Variants in MIB1 observed in about 807,000 individuals in gnomAD.
MIB1 encodes E3 ubiquitin-protein ligase MIB1.
A neutral mutation model predicts 124.5 loss-of-function variants in MIB1; 278 were observed. That is an observed-to-expected ratio of 2.23 (90% CI 2.02 to 2.47). The LOEUF (loss-of-function observed/expected upper bound fraction) is 2.47, where lower values mean the gene tolerates loss of function less well. MIB1 is among the 30% of genes most tolerant of loss of function. The pLI, the probability that MIB1 is intolerant of heterozygous loss-of-function variation, is 0.00. For synonymous variants in MIB1, 446 were observed against 429.4 expected, an observed-to-expected ratio of 1.04 and a Z score of -0.48; for missense variants, 957 against 1,254.4, an observed-to-expected ratio of 0.76 and a Z score of 3.58.
At chr18:21,742,228 C>G (rs1276244705) in intron 1 of MIB1, among the ~76,000 whole-genome samples, 1 of 151,318 alleles carries the variant, frequency 6.6e-6, no homozygotes, top group African/African-American at 2.4e-5. Flanking sequence ...CTCAGCTGAC[C>G]GTTTATAATT....
intron 1 of MIB1, among the ~76,000 whole-genome samples, chr18:21,732,194 G>A: frequency 6.6e-6 from 1 of 151,710 alleles, no homozygotes. Context: ...TGGGTGTGGT[G>A]GTATGTGCCT....
At chr18:21,752,490 TA>T (rs1477327841) in intron 1 of MIB1, among the ~76,000 whole-genome samples, 1 of 152,240 alleles carries the variant, frequency 6.6e-6, no homozygotes, top group Admixed American at 6.5e-5. Context: ...AATTTAAGTA[TA>T]AATATTCCTC....
intron 1 of MIB1, among the ~76,000 whole-genome samples, chr18:21,725,583 C>T (rs2146361283): frequency 6.6e-6 from 1 of 152,324 alleles, no homozygotes; most frequent in South Asian, 2.1e-4. Context: ...AAGTTACCTT[C>T]CTCTAAGGTA....
chr18:21,854,011 T>TAA (rs772734430), intron 18 of MIB1, among the ~76,000 whole-genome samples: 23,168 of 42,460 alleles, frequency 0.55, 7,970 homozygotes, highest in Non-Finnish European at 0.66. Flanking sequence ...AGACTCAGTC[T>TAA]TAAAAAAAAA....
At chr18:21,838,306 T>G in intron 12 of MIB1, 59 bp from the exon 13 acceptor site, 1 of 1,273,886 alleles carries the variant, frequency 7.9e-7, no homozygotes, top group Non-Finnish European at 1.1e-6. Context: ...GATTGCAAAC[T>G]TTTCTTTTGA....
chr18:21,821,662 A>G (rs8095593), intron 12 of MIB1, among the ~76,000 whole-genome samples: 148,036 of 150,062 alleles, frequency 0.99, 73,062 homozygotes, highest in Non-Finnish European at 1. Context: ...GCAGTGGCAC[A>G]ATCTCGGCTC....
chr18:21,779,486 C>T lies in MIB1; in HGVS notation c.709C>T (p.Gln237Ter). The T allele has an allele frequency of 6.2e-7, 1 of 1,613,802 alleles. No homozygotes were observed. Among genetic ancestry groups the T allele is most frequent in the Non-Finnish European group, 8.5e-7 (1 of 1,179,768 alleles). Reference sequence around the variant, plus strand: ...AATTGCCTCTGAAATTACAGGTGAGCAGAATGGCAACAGGAATCCTGGTGG... The same window carrying T: ...AATTGCCTCTGAAATTACAGGTGAGTAGAATGGCAACAGGAATCCTGGTGG... ...YRDHCPVLGE[Q>*]NGNRNPGGLQ... Residue 237 changes from glutamine to a stop codon, truncating the protein, a stop_gained, in exon 6 of 21, where the codon CAG becomes TAG. Coordinates refer to ENST00000261537, the MANE Select transcript of MIB1 (RefSeq NM_020774.4). LOFTEE classifies it high-confidence loss of function.
At chr18:21,825,856 A>G (rs372013680) in intron 12 of MIB1, 56 of 413,186 alleles carry the variant, frequency 1.4e-4, no homozygotes, top group African/African-American at 1.2e-3. Flanking sequence ...TGGACCTTCT[A>G]CAAGTGTTAG....
intron 13 of MIB1, 62 bp downstream of exon 13, chr18:21,838,559 G>A: frequency 7.4e-6 from 10 of 1,354,702 alleles, no homozygotes; most frequent in Non-Finnish European, 1.0e-5. Context: ...TGGGACCATT[G>A]CCATTCATTT....
chr18:21,801,164 A>G (rs1200603602), intron 9 of MIB1, among the ~76,000 whole-genome samples: 2 of 151,906 alleles, frequency 1.3e-5, no homozygotes, highest in Admixed American at 6.6e-5. Flanking sequence ...TTACCTCTAC[A>G]TTTTCCAGTA....
intron 1 of MIB1, among the ~76,000 whole-genome samples, chr18:21,723,524 T>G (rs1454798775): frequency 2.7e-5 from 4 of 149,174 alleles, no homozygotes; most frequent in South Asian, 4.3e-4. Context: ...TCTATAATTG[T>G]TTTTTTTTTG....
intron 9 of MIB1, 143 bp from the exon 10 acceptor site, chr18:21,803,764 C>T: frequency 1.9e-6 from 1 of 523,254 alleles, no homozygotes; most frequent in Non-Finnish European, 3.3e-6. Context: ...CTGTAGTTAT[C>T]TGAACTATGA....
intron 12 of MIB1, among the ~76,000 whole-genome samples, chr18:21,835,959 C>A (rs776856418): frequency 6.6e-6 from 1 of 151,364 alleles, no homozygotes; most frequent in Non-Finnish European, 1.5e-5. Context: ...GTTTCAAAAA[C>A]GTTTTTAGAT....
chr18:21,847,145 A>G lies in MIB1; in HGVS notation c.2393+20A>G, dbSNP rs764613042. 1 of 1,595,550 alleles carries G rather than the reference A, an allele frequency of 6.3e-7. No homozygotes were observed. The highest frequency in any genetic ancestry group is 8.6e-7 in the Non-Finnish European group (1 of 1,165,024). On this transcript the variant is annotated intron_variant, in intron 16 of 20. Coordinates refer to ENST00000261537, the MANE Select transcript of MIB1 (RefSeq NM_020774.4). The stretch of plus-strand genomic sequence containing the variant: ...AGTCAGGTTTGTATTATTTATTATC[A>G]TAAAACTTAATATTCTGTACAGAAA...
intron 1 of MIB1, among the ~76,000 whole-genome samples, chr18:21,760,135 T>G: frequency 6.6e-6 from 1 of 152,086 alleles, no homozygotes; most frequent in Non-Finnish European, 1.5e-5. Flanking sequence ...AATATGGTAT[T>G]CTATAGAAAG....
At chr18:21,755,813 G>A (rs1457578696) in intron 1 of MIB1, among the ~76,000 whole-genome samples, 1 of 152,120 alleles carries the variant, frequency 6.6e-6, no homozygotes, top group Non-Finnish European at 1.5e-5. Flanking sequence ...ATTTGCTTGG[G>A]TTAGAATTCG....
intron 17 of MIB1, among the ~76,000 whole-genome samples, chr18:21,851,148 C>G (rs1048401340): frequency 4.6e-5 from 7 of 152,076 alleles, no homozygotes; most frequent in African/African-American, 1.7e-4. Flanking sequence ...TGAAGTTATT[C>G]TTATAAAAGC....
intron 6 of MIB1, among the ~76,000 whole-genome samples, chr18:21,782,298 T>C (rs2041378675): frequency 6.6e-6 from 1 of 152,048 alleles, no homozygotes; most frequent in Admixed American, 6.5e-5. Flanking sequence ...TAATTTTGTA[T>C]TTTTAGTAGA....
At chr18:21,836,531 G>A (rs1472073845) in intron 12 of MIB1, among the ~76,000 whole-genome samples, 1 of 151,980 alleles carries the variant, frequency 6.6e-6, no homozygotes, top group Admixed American at 6.6e-5. Flanking sequence ...AACTTATCCT[G>A]TAATTTCTTA....
Sources: gnomAD v4.1 joint callset for allele counts (sites outside exome capture counted in the v4.1 genomes callset) on GRCh38, gnomAD v4.1.1 for gene constraint, MANE v1.5 for transcripts, NCBI Gene and HGNC (gene_info 2026-07-23, HGNC 2026-07-21) for gene names.